The following SZT2 variants were observed in gnomAD, a reference collection of about 807,000 sequenced individuals.
The protein encoded by SZT2 is KICSTOR complex protein SZT2.
A neutral mutation model predicts 404.2 loss-of-function variants in SZT2; 216 were observed. That is an observed-to-expected ratio of 0.53 (90% confidence interval 0.48 to 0.60). The LOEUF (loss-of-function observed/expected upper bound fraction) is 0.60, where lower values mean the gene tolerates loss of function less well. Among genes scored for constraint, SZT2 ranks in the 20% least tolerant of loss-of-function variants. The pLI, the probability that SZT2 is intolerant of heterozygous loss-of-function variation, is 0.00. For missense variants in SZT2, 3,857 were observed against 4,459.2 expected (o/e 0.86, Z 3.85); for synonymous variants, 1,693 against 1,749.9 (o/e 0.97, Z 0.81).
chr1:43,444,571 G>C (rs375226262), intron 62 of SZT2, among the ~76,000 whole-genome samples: 1 of 152,080 alleles, frequency 6.6e-6, no homozygotes. Flanking sequence ...TCCTTGGCCT[G>C]TTCTTGGTCA....
At chr1:43,422,964 G>A (rs1256112840) in intron 14 of SZT2, 81 bp downstream of exon 14, 1 of 1,499,324 alleles carries the variant, frequency 6.7e-7, no homozygotes, top group African/African-American at 1.4e-5. Context: ...CACAGGGCCA[G>A]GTCTAATAGA....
rs776573650 is a variant in SZT2 at position 43,422,881 on chromosome 1, A to C, written c.2035A>C (p.Lys679Gln). ...TGGCACACCAGCACCGGCCCGGCAC[A>C]AGGTAAGCTGGGCCCTGACTGACTC... ...PIGTPAPARH[K>Q]IVSGLREEIL... Residue 679 changes from lysine to glutamine, a missense_variant and splice_region_variant, in exon 14 of 72, where the codon AAG becomes CAG. Around this residue, in one of 7 missense-constraint regions of SZT2, gnomAD observed 1,725 missense variants for 1,881.0 expected, o/e 0.92. Transcript: ENST00000634258. 4.4e-6 allele frequency: 7 copies of C among 1,580,194 alleles called. No individual in the cohort carries two copies. In the African/African-American group the frequency reaches 9.4e-5, roughly 21 times the overall value.
chr1:43,450,468 C>G lies in SZT2; in HGVS notation c.10287C>G (p.Thr3429=), dbSNP rs764959699. 14 of 1,614,114 alleles carry G rather than the reference C, an allele frequency of 8.7e-6. No homozygotes were observed. The highest frequency in any genetic ancestry group is 1.2e-5 in the Non-Finnish European group (14 of 1,179,996). Residue 3429 remains threonine (T), a synonymous_variant, in exon 72 of 72, where the codon ACC becomes ACG. Coordinates refer to ENST00000634258, the MANE Select transcript of SZT2 (RefSeq NM_001365999.1). This position sits in a 1 kb window ranked among gnomAD's most constrained non-coding sequence, Gnocchi z 4.3. ...ACACAGCCTGTTTCACCCTCTGGAC[C>G]CGCCTCCTCTGAGGGAGTGGACTGG... The part of the protein sequence containing the change: ...VINTACFTLW[T]RLL
In SZT2 at chr1:43,448,106, C is replaced by A; in HGVS notation, c.9591C>A (p.Ser3197Arg). 1 of 1,597,084 alleles carries A rather than the reference C, an allele frequency of 6.3e-7. No individual in the cohort carries two copies. Among genetic ancestry groups the A allele is most frequent in the Non-Finnish European group, 8.6e-7 (1 of 1,168,922 alleles). Residue 3197 changes from serine (S) to arginine (R), a missense_variant, in exon 69 of 72, where the codon AGC becomes AGA. Ser to Arg is a moderately radical substitution (Grantham distance 110). Around this residue, in one of 7 missense-constraint regions of SZT2, gnomAD observed 717 missense variants for 868.2 expected, o/e 0.83. Transcript: ENST00000634258. This position sits in a 1 kb window ranked among gnomAD's most constrained non-coding sequence, Gnocchi z 4.2. The part of the protein sequence containing the change: ...LRLQFFVVLT[S>R]QRELFPRLTA... ...TACAGTTCTTCGTGGTGCTCACCAG[C>A]CAGCGAGAGCTCTTCCCCAGGCTCA... is the stretch of plus-strand genomic sequence containing the variant.
chr1:43,403,906 T>C, intron 3 of SZT2, 132 bp downstream of exon 3: 8 of 1,043,998 alleles, frequency 7.7e-6, no homozygotes, highest in Non-Finnish European at 7.1e-6. Context: ...AAAGGAATGA[T>C]GGGTGTTTAA....
chr1:43,425,162 T>C lies in SZT2; in HGVS notation c.2600T>C (p.Val867Ala). 1 of 1,614,142 alleles carries C rather than the reference T, an allele frequency of 6.2e-7. No individual in the cohort carries two copies. Among genetic ancestry groups the C allele is most frequent in the Non-Finnish European group, 8.5e-7 (1 of 1,180,002 alleles). The change falls in exon 18 of 72, where the codon GTC (valine) becomes GCC (alanine). Residue 867 changes from valine (V) to alanine (A), a missense_variant. Around this residue, in one of 7 missense-constraint regions of SZT2, gnomAD observed 1,725 missense variants for 1,881.0 expected, o/e 0.92. Transcript: ENST00000634258. The surrounding 1 kb of genome is among the most constrained non-coding windows in gnomAD (Gnocchi z 4.3). ...GCTGAAGAGAAGCACACCTGTGTTG[T>C]CCAGTACATCCTCTTCCCCCCACAC... Reference protein sequence around the residue: ...AAAEEKHTCVVQYILFPPHST... With the variant: ...AAAEEKHTCVAQYILFPPHST...
intron 1 of SZT2, 93 bp from the exon 2 acceptor site, chr1:43,403,084 A>C: frequency 7.3e-7 from 1 of 1,379,074 alleles, no homozygotes; most frequent in Non-Finnish European, 1.0e-6. Context: ...ATTGATGGTG[A>C]GTTCCTTGGG....
In SZT2 at chr1:43,438,785, C is replaced by A; in HGVS notation, c.6595C>A (p.Arg2199=). ...GGACGTCATCACAGTTATGCTTGTTCGGAACTGCAAGCTGACACCAGCTGA... is the reference window on the plus strand; with the variant it reads ...GGACGTCATCACAGTTATGCTTGTTAGGAACTGCAAGCTGACACCAGCTGA... ...TLDVITVMLV[R]NCKLTPADVE... The change falls in exon 47 of 72, where the codon CGG becomes AGG. Residue 2199 remains arginine, a synonymous_variant. Transcript: ENST00000634258. The A allele has an allele frequency of 6.2e-7, 1 of 1,613,918 alleles. No individual in the cohort carries two copies. Among genetic ancestry groups the A allele is most frequent in the Non-Finnish European group, 8.5e-7 (1 of 1,179,896 alleles).
In SZT2 at chr1:43,428,355, A is replaced by G. The variant is rs951132595; in HGVS notation, c.4035A>G (p.Ala1345=). The change falls in exon 28 of 72, where the codon GCA becomes GCG. Residue 1345 remains alanine, a synonymous_variant. Coordinates refer to ENST00000634258, the MANE Select transcript of SZT2 (RefSeq NM_001365999.1). Reference sequence around the variant, plus strand: ...TAGACATCACCCCATTTCTCCTTGCATTGTGTGGCCACACTTGGGGTTTGC... The same window carrying G: ...TAGACATCACCCCATTTCTCCTTGCGTTGTGTGGCCACACTTGGGGTTTGC... ...QEIDITPFLL[A]LCGHTWGLPH... is the part of the protein sequence containing the mutation. 4.3e-6 allele frequency: 7 copies of G among 1,614,142 alleles called. No individual in the cohort carries two copies. Among genetic ancestry groups the G allele is most frequent in the Non-Finnish European group, 3.4e-6 (4 of 1,180,026 alleles).
chr1:43,443,852 C>T, intron 62 of SZT2, 56 bp downstream of exon 62: 3 of 1,599,204 alleles, frequency 1.9e-6, no homozygotes, highest in African/African-American at 1.3e-5. Context: ...CAAGTGAGGC[C>T]CCACAGGCCC....
Position 43,404,393 on chromosome 1 carries a change from G to C in SZT2, c.341G>C (p.Gly114Ala). Residue 114 changes from glycine to alanine, a missense_variant, in exon 4 of 72, where the codon GGG becomes GCG. Transcript: ENST00000634258. ...CTCTGCCCTCAGGATGATTCCACAG[G>C]GGAGATCTTGTTTGATGAAGTTTTC... ...PSTGIVDDSTGEILFDEVFHA... is the reference protein window; with the variant it reads ...PSTGIVDDSTAEILFDEVFHA... 1.9e-6 allele frequency: 3 copies of C among 1,613,368 alleles called. No homozygotes were observed. Among genetic ancestry groups the C allele is most frequent in the Non-Finnish European group, 1.7e-6 (2 of 1,179,684 alleles).
At chr1:43,402,847 C>G (rs1022134729) in intron 1 of SZT2, among the ~76,000 whole-genome samples, 1 of 152,152 alleles carries the variant, frequency 6.6e-6, no homozygotes, top group African/African-American at 2.4e-5. Flanking sequence ...AGCAATTTGC[C>G]AAGCACAGGG....
Position 43,421,316 on chromosome 1 carries a change from G to A in SZT2, c.1626+13G>A, listed in dbSNP as rs1472982690. On this transcript the variant is annotated intron_variant, in intron 11 of 71. Coordinates refer to ENST00000634258, the MANE Select transcript of SZT2 (RefSeq NM_001365999.1). ...CTCCACCACCCCGGTGAGTAGCTCT[G>A]AAGTATAGTAGCCCCATTTCATGTC... 7.5e-6 allele frequency: 12 copies of A among 1,597,808 alleles called. No individual in the cohort carries two copies. The highest frequency in any genetic ancestry group is 1.0e-5 in the Non-Finnish European group (12 of 1,179,436).
chr1:43,421,581 C>T (rs1263351579), intron 11 of SZT2, among the ~76,000 whole-genome samples: 3 of 152,238 alleles, frequency 2.0e-5, no homozygotes, highest in Non-Finnish European at 4.4e-5. Flanking sequence ...AGACCGTGAG[C>T]CCTTGCCCCA....
Position 43,431,341 on chromosome 1 carries a change from G to C in SZT2, c.4993G>C (p.Gly1665Arg), listed in dbSNP as rs892465059. ...ATCTTTAAGGTCAGATGATGGCCTCGGGCCCCCACTGCCACCCCCAGAAGA... is the reference window on the plus strand; with the variant it reads ...ATCTTTAAGGTCAGATGATGGCCTCCGGCCCCCACTGCCACCCCCAGAAGA... ...PSSLRSDDGL[G>R]PPLPPPEEER... The change falls in exon 34 of 72, where the codon GGG (glycine) becomes CGG (arginine). Residue 1665 changes from glycine (G) to arginine (R), a missense_variant. By Grantham distance (125) the Gly-to-Arg change is moderately radical. Around this residue, in one of 7 missense-constraint regions of SZT2, gnomAD observed 1,725 missense variants for 1,881.0 expected, o/e 0.92. Coordinates refer to ENST00000634258, the MANE Select transcript of SZT2 (RefSeq NM_001365999.1). The C allele has an allele frequency of 6.2e-7, 1 of 1,612,426 alleles. No individual in the cohort carries two copies. The highest frequency in any genetic ancestry group is 1.7e-5 in the Admixed American group (1 of 59,948).
Position 43,447,126 on chromosome 1 carries a change from C to G in SZT2, c.9244C>G (p.His3082Asp). 1 of 1,613,690 alleles carries G rather than the reference C, an allele frequency of 6.2e-7. No individual in the cohort carries two copies. The highest frequency in any genetic ancestry group is 8.5e-7 in the Non-Finnish European group (1 of 1,180,004). The part of the protein sequence containing the change: ...TTFLRHFLAH[H>D]PDGPHFGRNH... ...CTTTCTGCGACACTTCCTGGCCCAC[C>G]ACCCTGACGGACCCCACTTTGGCCG... The change falls in exon 66 of 72, where the codon CAC (histidine) becomes GAC (aspartate). Residue 3082 changes from histidine to aspartate, a missense_variant. Coordinates refer to ENST00000634258, the MANE Select transcript of SZT2 (RefSeq NM_001365999.1).
chr1:43,439,393 G>C lies in SZT2; in HGVS notation c.6828G>C (p.Leu2276Phe). The C allele has an allele frequency of 1.2e-6, 2 of 1,613,604 alleles. No homozygotes were observed. Among genetic ancestry groups the C allele is most frequent in the Non-Finnish European group, 1.7e-6 (2 of 1,179,786 alleles). ...CACCACAGGGTGGCCTCCCTGACTT[G>C]GACATCTACTTGTATAACAAGCCTG... Reference protein sequence around the residue: ...PLPPQGGLPDLDIYLYNKPGG... With the variant: ...PLPPQGGLPDFDIYLYNKPGG... Residue 2276 changes from leucine to phenylalanine, a missense_variant, in exon 49 of 72, where the codon TTG becomes TTC. Around this residue, in one of 7 missense-constraint regions of SZT2, gnomAD observed 261 missense variants for 372.9 expected, o/e 0.70. Transcript: ENST00000634258. The surrounding 1 kb of genome is among the most constrained non-coding windows in gnomAD (Gnocchi z 4.2).
chr1:43,422,379 A>T (rs1652473695), intron 12 of SZT2, 101 bp from the exon 13 acceptor site: 13 of 1,495,546 alleles, frequency 8.7e-6, no homozygotes, highest in Non-Finnish European at 1.2e-5. Context: ...TTCAGTCCCC[A>T]TAACCTCAGG....
In SZT2 at chr1:43,433,003, A is replaced by G; in HGVS notation, c.5617A>G (p.Ser1873Gly). The G allele has an allele frequency of 6.2e-7, 1 of 1,614,116 alleles. No homozygotes were observed. ...DSDHLGYDGGSSGSDSEGPND... is the reference protein window; with the variant it reads ...DSDHLGYDGGGSGSDSEGPND... ...ATCTGACACAGGTTATGATGGTGGC[A>G]GCAGTGGCTCAGACAGTGAGGGTCC... The change falls in exon 40 of 72, where the codon AGC (serine) becomes GGC (glycine). Residue 1873 changes from serine (S) to glycine (G), a missense_variant. Coordinates refer to ENST00000634258, the MANE Select transcript of SZT2 (RefSeq NM_001365999.1).
Sources: gnomAD v4.1 joint callset for allele counts (sites outside exome capture counted in the v4.1 genomes callset) on GRCh38, gnomAD v4.1.1 for gene constraint, gnomAD v4.1.1 regional missense constraint, Gnocchi (gnomAD v3.1) non-coding constraint, MANE v1.5 for transcripts, NCBI Gene and HGNC (gene_info 2026-07-23, HGNC 2026-07-21) for gene names.